NRG1: variants seen among roughly 807,000 people sequenced by gnomAD.
NRG1 encodes the protein pro-neuregulin-1, membrane-bound isoform.
In NRG1, 18 loss-of-function variants were observed where a neutral mutation model predicts 63.8. The observed-to-expected ratio is 0.28, with a 90% CI of 0.19 to 0.42. The LOEUF is 0.42. Among genes scored for constraint, NRG1 ranks in the 10% least tolerant of loss-of-function variants. The pLI, the probability that NRG1 is intolerant of heterozygous loss-of-function variation, is 1.00. For synonymous variants in NRG1, 302 were observed against 301.3 expected, an observed-to-expected ratio of 1.00 and a Z score of -0.02; for missense variants, 762 against 814.7, an observed-to-expected ratio of 0.94 and a Z score of 0.79.
chr8:32,515,510 G>A (rs1398970576), intron 1 of NRG1, among the ~76,000 whole-genome samples: 4 of 151,966 alleles, frequency 2.6e-5, no homozygotes, highest in Non-Finnish European at 5.9e-5. Context: ...GCAGTGGTGT[G>A]ATCAGCTCAC....
intron 1 of NRG1, among the ~76,000 whole-genome samples, chr8:31,712,990 C>G (rs1811947027): frequency 2.3e-5 from 1 of 42,916 alleles, no homozygotes; most frequent in South Asian, 5.7e-4. Context: ...TCCACCCATC[C>G]ATCCATCCAT....
At chr8:32,455,416 T>G (rs544672150) in intron 1 of NRG1, among the ~76,000 whole-genome samples, 1 of 152,204 alleles carries the variant, frequency 6.6e-6, no homozygotes, top group Non-Finnish European at 1.5e-5. Context: ...TAATTCCAAA[T>G]TATCTTTCAT....
rs558482948 is a variant in NRG1 at position 32,429,137 on chromosome 8, T to C, written c.38-166691T>C. Among the ~76,000 whole-genome samples the C allele has an allele frequency of 2.6e-5, 4 of 152,240 alleles. No individual in the cohort carries two copies. In the South Asian group the frequency reaches 6.2e-4, roughly 24 times the overall value. ...GTGAAATGAAGTACGGTTTTTTTTT[T>C]CCAAGTCAACTAAACGAACAGGCTG... is the stretch of plus-strand genomic sequence containing the variant. On this transcript the variant is annotated intron_variant, in intron 1 of 10. Transcript: ENST00000519301.
chr8:31,772,547 C>T (rs1334596513), intron 1 of NRG1, among the ~76,000 whole-genome samples: 1 of 152,048 alleles, frequency 6.6e-6, no homozygotes, highest in Non-Finnish European at 1.5e-5. Flanking sequence ...AATAAAATTG[C>T]CTTGGTCTTC....
At chr8:31,957,467 C>T (rs2129624898) in intron 1 of NRG1, among the ~76,000 whole-genome samples, 1 of 152,212 alleles carries the variant, frequency 6.6e-6, no homozygotes, top group South Asian at 2.1e-4. Flanking sequence ...GCCACTCCAG[C>T]CAACTTGTTT....
intron 1 of NRG1, among the ~76,000 whole-genome samples, chr8:31,677,613 A>T (rs1807857289): frequency 6.6e-6 from 1 of 152,174 alleles, no homozygotes; most frequent in South Asian, 2.1e-4. Flanking sequence ...CAAAAAGTTC[A>T]TCAACATACA....
At chr8:32,754,407 A>G in exon 8 of NRG1, 1 of 1,613,874 alleles carries the variant, frequency 6.2e-7, no homozygotes, top group South Asian at 1.1e-5. Flanking sequence ...AGTGCTGACC[A>G]TAACCGGCAT....
At chr8:31,877,877 A>C (rs922909974) in intron 1 of NRG1, among the ~76,000 whole-genome samples, 2 of 152,186 alleles carry the variant, frequency 1.3e-5, no homozygotes, top group African/African-American at 4.8e-5. Context: ...GACCCACTGG[A>C]TTTTGATGTA....
chr8:32,327,416 T>C (rs1948098), intron 1 of NRG1, among the ~76,000 whole-genome samples: 46,587 of 152,112 alleles, frequency 0.31, 7,288 homozygotes, highest in South Asian at 0.36. Flanking sequence ...GCTTCTGCCA[T>C]GGAAAGTTAT....
At chr8:31,661,715 T>C (rs751179022) in intron 1 of NRG1, among the ~76,000 whole-genome samples, 1 of 152,222 alleles carries the variant, frequency 6.6e-6, no homozygotes, top group African/African-American at 2.4e-5. Flanking sequence ...GTCTAAAAAA[T>C]GTCATCTGGA....
chr8:31,707,006 T>A (rs1811216296), intron 1 of NRG1, among the ~76,000 whole-genome samples: 1 of 152,062 alleles, frequency 6.6e-6, no homozygotes, highest in African/African-American at 2.4e-5. Context: ...CATCTTTTTT[T>A]CTATTTTTGT....
intron 5 of NRG1, among the ~76,000 whole-genome samples, chr8:32,628,618 G>A (rs576233553): frequency 1.3e-5 from 2 of 151,950 alleles, no homozygotes; most frequent in South Asian, 2.1e-4. Context: ...TACAGTGCCT[G>A]TAAAGAGGAC....
intron 1 of NRG1, among the ~76,000 whole-genome samples, chr8:32,326,777 C>G (rs1396589528): frequency 6.6e-6 from 1 of 152,078 alleles, no homozygotes; most frequent in African/African-American, 2.4e-5. Flanking sequence ...TAAGATTATA[C>G]TCAAAGTTCT....
intron 1 of NRG1, among the ~76,000 whole-genome samples, chr8:32,056,555 T>C: frequency 6.6e-6 from 1 of 152,182 alleles, no homozygotes; most frequent in Non-Finnish European, 1.5e-5. Context: ...CATATTATTT[T>C]TTACTGGTGT....
chr8:32,412,423 CATATATATATATATATATATATATA>C (rs374535915), intron 1 of NRG1, among the ~76,000 whole-genome samples: 30,484 of 93,062 alleles, frequency 0.33, 4,807 homozygotes, highest in Middle Eastern at 0.48. Context: ...TCTCTCTCTA[CATATATATATATATATATATATATA>C]TATACATATA....
At chr8:32,196,943 CTTTTTTTTTTTTTTTTT>C (rs773398472) in intron 1 of NRG1, among the ~76,000 whole-genome samples, 11 of 27,442 alleles carry the variant, frequency 4.0e-4, no homozygotes, top group East Asian at 1.9e-3. Context: ...TCAGAACATT[CTTTTTTTTTTTTTTTTT>C]TTTTTTTTTT....
intron 1 of NRG1, among the ~76,000 whole-genome samples, chr8:32,346,648 T>C (rs930530860): frequency 2.6e-5 from 4 of 152,092 alleles, no homozygotes; most frequent in African/African-American, 9.7e-5. Flanking sequence ...GAACCTGTAA[T>C]TAAGTGTTAT....
At chr8:32,472,026 A>G (rs1426603403) in intron 1 of NRG1, among the ~76,000 whole-genome samples, 1 of 152,196 alleles carries the variant, frequency 6.6e-6, no homozygotes, top group Non-Finnish European at 1.5e-5. Context: ...TCACAACCAC[A>G]TGACTAAACT....
intron 3 of NRG1, among the ~76,000 whole-genome samples, chr8:32,607,097 G>A (rs904896730): frequency 3.1e-4 from 47 of 152,160 alleles, no homozygotes; most frequent in African/African-American, 1.1e-3. Context: ...ATTACCATTA[G>A]GAGTCCTGTT....
Sources: gnomAD v4.1 joint callset for allele counts (sites outside exome capture counted in the v4.1 genomes callset) on GRCh38, gnomAD v4.1.1 for gene constraint, MANE v1.5 for transcripts, NCBI Gene and HGNC (gene_info 2026-07-23, HGNC 2026-07-21) for gene names.